The following B3GNT2 variants were observed in gnomAD, a reference collection of about 807,000 sequenced individuals.
The protein encoded by B3GNT2 is N-acetyllactosaminide beta-1,3-N-acetylglucosaminyltransferase 2.
In B3GNT2, 12 loss-of-function variants were observed where a neutral mutation model predicts 27.6. That is an observed-to-expected ratio of 0.44 (90% confidence interval 0.28 to 0.71). The LOEUF (loss-of-function observed/expected upper bound fraction) is 0.71, where lower values mean the gene tolerates loss of function less well. Among genes scored for constraint, B3GNT2 ranks in the 30% least tolerant of loss-of-function variants. The probability of loss-of-function intolerance (pLI) is 0.17; values close to 1 mark genes in which losing one functional copy is unlikely to be tolerated. For missense variants in B3GNT2, 413 were observed against 488.5 expected (o/e 0.85, Z 1.46); for synonymous variants, 192 against 189.7 (o/e 1.01, Z -0.10).
intron 1 of B3GNT2, among the ~76,000 whole-genome samples, chr2:62,207,793 T>C (rs972616398): frequency 2.6e-5 from 4 of 152,218 alleles, no homozygotes; most frequent in African/African-American, 9.6e-5. Flanking sequence ...CCACCAGCTG[T>C]GTGGCCCCGT....
intron 1 of B3GNT2, among the ~76,000 whole-genome samples, chr2:62,215,278 A>G (rs1358650998): frequency 1.3e-5 from 2 of 152,216 alleles, no homozygotes; most frequent in African/African-American, 4.8e-5. Flanking sequence ...TAGTTCTGTG[A>G]CTTACAGACT....
Position 62,196,119 on chromosome 2 carries a change from T to G in B3GNT2, c.-246T>G, listed in dbSNP as rs1034108574. The stretch of plus-strand genomic sequence containing the variant: ...GGCTGCTGCGCCTGGAACCGGAGCC[T>G]GGAGTGAGGCGCAGCGGCAGCGGCA... On this transcript the variant is annotated 5_prime_UTR_variant, in exon 1 of 2. Coordinates refer to ENST00000301998, the MANE Select transcript of B3GNT2 (RefSeq NM_006577.6). 6.6e-6 allele frequency: 1 copy of G among 151,416 alleles called. No individual in the cohort carries two copies. The highest frequency in any genetic ancestry group is 1.5e-5 in the Non-Finnish European group (1 of 67,838). 9.4% of individuals were successfully genotyped at this position (151,416 alleles called of 1,614,324 possible). A position where few individuals can be genotyped will look rare whatever the true frequency, so the allele number is the denominator to read the frequency against.
At chr2:62,216,624 G>C (rs559800941) in intron 1 of B3GNT2, among the ~76,000 whole-genome samples, 1 of 151,830 alleles carries the variant, frequency 6.6e-6, no homozygotes, top group Admixed American at 6.6e-5. Context: ...GGTTGGTCTC[G>C]AACTCCTGGG....
intron 1 of B3GNT2, among the ~76,000 whole-genome samples, chr2:62,198,537 A>G (rs1446805297): frequency 6.6e-6 from 1 of 152,246 alleles, no homozygotes; most frequent in Non-Finnish European, 1.5e-5. Flanking sequence ...CACATTTGGC[A>G]GATGCACATC....
At chr2:62,219,693 G>T (rs1188270305) in intron 1 of B3GNT2, among the ~76,000 whole-genome samples, 1 of 152,186 alleles carries the variant, frequency 6.6e-6, no homozygotes, top group Non-Finnish European at 1.5e-5. Context: ...TGGGTCAAGG[G>T]CTCACTTTAG....
chr2:62,221,789 T>C (rs1426819611), intron 1 of B3GNT2: 1 of 510,740 alleles, frequency 2.0e-6, no homozygotes, highest in Admixed American at 2.1e-5. Context: ...GTATTTGTTA[T>C]AATTTAGGCA....
chr2:62,222,189 A>G lies in B3GNT2; in HGVS notation c.-9-23A>G. On this transcript the variant is annotated intron_variant, in intron 1 of 1. Transcript: ENST00000301998. This position sits in a 1 kb window ranked among gnomAD's most constrained non-coding sequence, Gnocchi z 4.2. ...ATGCAAATTGATAAGTAATTGATAC[A>G]ATACTCCACCCCTTTATTCCAGATA... The G allele has an allele frequency of 6.5e-7, 1 of 1,543,488 alleles. No individual in the cohort carries two copies. The highest frequency in any genetic ancestry group is 2.2e-5 in the East Asian group (1 of 44,544).
chr2:62,197,135 G>A (rs1674165013), intron 1 of B3GNT2, among the ~76,000 whole-genome samples: 1 of 152,178 alleles, frequency 6.6e-6, no homozygotes, highest in African/African-American at 2.4e-5. Context: ...GCCAGGCCAG[G>A]GAGCGCCTGA....
intron 1 of B3GNT2, among the ~76,000 whole-genome samples, chr2:62,211,548 T>G (rs1445428225): frequency 6.6e-6 from 1 of 152,206 alleles, no homozygotes; most frequent in East Asian, 1.9e-4. Flanking sequence ...AGTTCTTCGT[T>G]TTTTCCCTTA....
chr2:62,209,406 C>G (rs1286402393), intron 1 of B3GNT2, among the ~76,000 whole-genome samples: 1 of 152,062 alleles, frequency 6.6e-6, no homozygotes, highest in African/African-American at 2.4e-5. Flanking sequence ...GAAAGAAATT[C>G]TTGGAGCTTC....
chr2:62,211,763 G>A (rs1015824042), intron 1 of B3GNT2, among the ~76,000 whole-genome samples: 24 of 148,586 alleles, frequency 1.6e-4, no homozygotes, highest in African/African-American at 5.7e-4. Context: ...TGAACTGGCT[G>A]TGTCCATCTC....
intron 1 of B3GNT2, among the ~76,000 whole-genome samples, chr2:62,209,975 C>A (rs1387972657): frequency 6.6e-6 from 1 of 152,192 alleles, no homozygotes; most frequent in Non-Finnish European, 1.5e-5. Flanking sequence ...GGAAGTGTTA[C>A]CAGACCAGGA....
intron 1 of B3GNT2, among the ~76,000 whole-genome samples, chr2:62,196,679 G>T (rs1459823755): frequency 6.6e-6 from 1 of 152,318 alleles, no homozygotes; most frequent in African/African-American, 2.4e-5. Context: ...TGCCCACCTC[G>T]CCCTGGAGCC....
At chr2:62,213,561 A>G (rs1275676436) in intron 1 of B3GNT2, among the ~76,000 whole-genome samples, 1 of 152,128 alleles carries the variant, frequency 6.6e-6, no homozygotes, top group African/African-American at 2.4e-5. Context: ...CACACCCATG[A>G]GTCTGCTGCC....
chr2:62,207,953 C>T (rs1415976215), intron 1 of B3GNT2, among the ~76,000 whole-genome samples: 1 of 152,180 alleles, frequency 6.6e-6, no homozygotes, highest in Non-Finnish European at 1.5e-5. Context: ...GAAATTTCTG[C>T]TTCTCTGTGT....
Position 62,221,778 on chromosome 2 carries a change from T to C in B3GNT2, c.-9-434T>C, listed in dbSNP as rs1384376765. ...GTGTATACTAAACACAGTATAAAAATGTATTTGTTATAATTTAGGCAAATC... is the reference window on the plus strand; with the variant it reads ...GTGTATACTAAACACAGTATAAAAACGTATTTGTTATAATTTAGGCAAATC... On this transcript the variant is annotated intron_variant, in intron 1 of 1. Transcript: ENST00000301998. 4 of 504,434 alleles carry C rather than the reference T, an allele frequency of 7.9e-6. No homozygotes were observed. In the Admixed American group the frequency reaches 8.5e-5, roughly 11 times the overall value. 31.2% of individuals were successfully genotyped at this position (504,434 alleles called of 1,614,324 possible).
intron 1 of B3GNT2, among the ~76,000 whole-genome samples, chr2:62,209,364 G>T (rs1302805021): frequency 6.6e-6 from 1 of 152,136 alleles, no homozygotes; most frequent in Non-Finnish European, 1.5e-5. Context: ...CTGTAAAAGA[G>T]ATATTAGAGT....
Position 62,201,216 on chromosome 2 carries a change from T to C in B3GNT2, c.-10+4861T>C, listed in dbSNP as rs530182955. 1.3e-4 allele frequency among the ~76,000 whole-genome samples: 20 copies of C among 152,368 alleles called. No individual in the cohort carries two copies. The South Asian group carries it at 3.1e-3, about 24-fold the overall frequency. The stretch of plus-strand genomic sequence containing the variant: ...ATCTTTATTTAATACTTTGTTGATA[T>C]AGCTTTAGCTTTAAGATGTATTATT... On this transcript the variant is annotated intron_variant, in intron 1 of 1. Transcript: ENST00000301998.
Position 62,222,461 on chromosome 2 carries a change from A to T in B3GNT2, c.241A>T (p.Thr81Ser). 1 of 1,614,142 alleles carries T rather than the reference A, an allele frequency of 6.2e-7. No individual in the cohort carries two copies. The highest frequency in any genetic ancestry group is 8.5e-7 in the Non-Finnish European group (1 of 1,180,030). ...NPILSMLTNQ[T>S]GEAGRLSNIS... ...CATCCTGAGCATGCTGACCAACCAG[A>T]CGGGGGAGGCGGGCAGGCTCTCCAA... Residue 81 changes from threonine (T) to serine (S), a missense_variant, in exon 2 of 2, where the codon ACG becomes TCG. Transcript: ENST00000301998. This position sits in a 1 kb window ranked among gnomAD's most constrained non-coding sequence, Gnocchi z 4.2.
Sources: gnomAD v4.1 joint callset for allele counts (sites outside exome capture counted in the v4.1 genomes callset) on GRCh38, gnomAD v4.1.1 for gene constraint, Gnocchi (gnomAD v3.1) non-coding constraint, MANE v1.5 for transcripts, NCBI Gene and HGNC (gene_info 2026-07-23, HGNC 2026-07-21) for gene names.